The following CARMIL1 variants were observed in gnomAD, a reference collection of about 807,000 sequenced individuals.
CARMIL1 encodes F-actin-uncapping protein LRRC16A.
CARMIL1 carries 90 observed loss-of-function variants against 177.1 expected under a neutral mutation model. The ratio of observed to expected loss-of-function variants is 0.51; its 90% CI spans 0.43 to 0.61. CARMIL1 has a LOEUF of 0.61. Among genes scored for constraint, CARMIL1 ranks in the 20% least tolerant of loss-of-function variants. CARMIL1 has a pLI of 0.00. For synonymous variants in CARMIL1, 577 were observed against 606.2 expected (o/e 0.95, Z 0.71); for missense variants, 1,380 against 1,667.0 (o/e 0.83, Z 3.00).
At chr6:25,434,518 A>ATTTTTT (rs5875039) in intron 4 of CARMIL1, among the ~76,000 whole-genome samples, 1 of 101,708 alleles carries the variant, frequency 9.8e-6, no homozygotes, top group Non-Finnish European at 2.0e-5. Flanking sequence ...GCTCAAAACC[A>ATTTTTT]TTTTTTTTTT....
intron 16 of CARMIL1, among the ~76,000 whole-genome samples, chr6:25,497,667 C>A (rs1274363153): frequency 6.6e-6 from 1 of 152,164 alleles, no homozygotes; most frequent in East Asian, 1.9e-4. Context: ...ACTGCAGAAA[C>A]CCTTGTTTCT....
chr6:25,432,129 G>A (rs925945826), intron 4 of CARMIL1, among the ~76,000 whole-genome samples: 14 of 152,264 alleles, frequency 9.2e-5, no homozygotes, highest in Non-Finnish European at 1.9e-4. Flanking sequence ...CGCGGTGGAC[G>A]TTTGTTTTTT....
chr6:25,529,755 C>CCA (rs1242470835), intron 24 of CARMIL1, among the ~76,000 whole-genome samples: 2 of 33,572 alleles, frequency 6.0e-5, no homozygotes, highest in African/African-American at 1.9e-4. Flanking sequence ...ACTCCGTCTC[C>CCA]AAAAAAAAAA....
chr6:25,393,867 A>G (rs1793121436), intron 2 of CARMIL1, among the ~76,000 whole-genome samples: 1 of 152,190 alleles, frequency 6.6e-6, no homozygotes, highest in Admixed American at 6.5e-5. Context: ...TAAAGAAAAA[A>G]GAAAAGAAAG....
At chr6:25,476,918 A>G (rs1449884534) in intron 11 of CARMIL1, among the ~76,000 whole-genome samples, 1 of 151,840 alleles carries the variant, frequency 6.6e-6, no homozygotes, top group East Asian at 1.9e-4. Context: ...GTGAAACCCC[A>G]TCTCTACTAA....
chr6:25,455,472 C>T (rs1799422874), intron 8 of CARMIL1, among the ~76,000 whole-genome samples: 1 of 152,096 alleles, frequency 6.6e-6, no homozygotes, highest in African/African-American at 2.4e-5. Context: ...AACCATAGTC[C>T]CAGAATAAAG....
chr6:25,567,652 A>G (rs555066524), intron 29 of CARMIL1, among the ~76,000 whole-genome samples: 6 of 152,356 alleles, frequency 3.9e-5, no homozygotes, highest in Admixed American at 6.5e-5. Flanking sequence ...CAAGTAGGGT[A>G]GATTTACTTG....
chr6:25,391,283 A>G (rs1425247295), intron 2 of CARMIL1, among the ~76,000 whole-genome samples: 1 of 152,328 alleles, frequency 6.6e-6, no homozygotes, highest in Non-Finnish European at 1.5e-5. Context: ...TATACATGTC[A>G]TCTTTCCAGG....
At chr6:25,490,755 A>T (rs1452415955) in intron 13 of CARMIL1, among the ~76,000 whole-genome samples, 11 of 27,874 alleles carry the variant, frequency 3.9e-4, no homozygotes, top group African/African-American at 1.7e-3. Flanking sequence ...ATAAATAAAA[A>T]AAAATAAATG....
chr6:25,536,317 AT>A (rs1395447533), intron 24 of CARMIL1, among the ~76,000 whole-genome samples: 1 of 152,128 alleles, frequency 6.6e-6, no homozygotes, highest in Non-Finnish European at 1.5e-5. Flanking sequence ...TATGCAGGGC[AT>A]TGTGTAAATG....
At chr6:25,533,986 T>C (rs919749692) in intron 24 of CARMIL1, among the ~76,000 whole-genome samples, 4 of 152,184 alleles carry the variant, frequency 2.6e-5, no homozygotes, top group Non-Finnish European at 5.9e-5. Flanking sequence ...TGGAGTCATC[T>C]TGAACTCTTC....
Position 25,400,557 on chromosome 6 carries a change from A to C in CARMIL1, c.139-19557A>C, listed in dbSNP as rs573677297. Among the ~76,000 whole-genome samples the C allele has an allele frequency of 2.6e-5, 4 of 152,342 alleles. No individual in the cohort carries two copies. The East Asian group carries it at 7.7e-4, about 29-fold the overall frequency. The stretch of plus-strand genomic sequence containing the variant: ...CCCCCCACCAGCTGTGCTTCATGGT[A>C]ATGGCCAAAAAAATGTTCAGAATTA... On this transcript the variant is annotated intron_variant, in intron 2 of 36. Transcript: ENST00000329474.
At chr6:25,529,594 T>C (rs1807515757) in intron 24 of CARMIL1, among the ~76,000 whole-genome samples, 1 of 151,542 alleles carries the variant, frequency 6.6e-6, no homozygotes, top group Non-Finnish European at 1.5e-5. Flanking sequence ...TAAAAAAAAT[T>C]GTTATTGTAA....
At chr6:25,590,290 CTT>C (rs751887042) in intron 31 of CARMIL1, among the ~76,000 whole-genome samples, 6 of 151,964 alleles carry the variant, frequency 3.9e-5, no homozygotes, top group African/African-American at 7.3e-5. Flanking sequence ...TAATGTGAAA[CTT>C]GGGTGAATTT....
intron 2 of CARMIL1, among the ~76,000 whole-genome samples, chr6:25,410,702 C>T (rs1794827809): frequency 6.6e-6 from 1 of 152,256 alleles, no homozygotes; most frequent in African/African-American, 2.4e-5. Context: ...AGAGGAACTC[C>T]TTATTAGTCC....
At position 25,313,683 on chromosome 6, in the gene CARMIL1, G is replaced by GCATATATATATATATATATATATA; in HGVS notation, c.138+28774_138+28775insCATATATATATATATATATATATA. Reference sequence around the variant, plus strand: ...TAAAGATCTTTACCCAGGGAAGGCTGTATATATACAGTTATTTGGGAGAAA... The same window carrying GCATATATATATATATATATATATA: ...TAAAGATCTTTACCCAGGGAAGGCTGCATATATATATATATATATATATATATATATACAGTTATTTGGGAGAAA... On this transcript the variant is annotated intron_variant, in intron 2 of 36. Coordinates refer to ENST00000329474, the MANE Select transcript of CARMIL1 (RefSeq NM_017640.6). Among the ~76,000 whole-genome samples the GCATATATATATATATATATATATA allele has an allele frequency of 1.7e-3, 226 of 133,694 alleles. 20 individuals are homozygous for GCATATATATATATATATATATATA. The highest frequency in any genetic ancestry group is 0.014 in the East Asian group (55 of 4,074). The allele number at this position is 133,694 out of a possible 152,430, so 87.7% of individuals were successfully genotyped here. A position where few individuals can be genotyped will look rare whatever the true frequency, so the allele number is the denominator to read the frequency against.
intron 2 of CARMIL1, among the ~76,000 whole-genome samples, chr6:25,285,421 G>A (rs1781449720): frequency 6.6e-6 from 1 of 152,154 alleles, no homozygotes; most frequent in Admixed American, 6.5e-5. Flanking sequence ...CCTGCTGAAG[G>A]CAGTATCTGC....
intron 2 of CARMIL1, among the ~76,000 whole-genome samples, chr6:25,378,814 A>C (rs1791261692): frequency 6.6e-6 from 1 of 151,400 alleles, no homozygotes; most frequent in Non-Finnish European, 1.5e-5. Flanking sequence ...CACAGTGTGA[A>C]TCTCTCCACA....
intron 2 of CARMIL1, among the ~76,000 whole-genome samples, chr6:25,327,575 T>A (rs1446478016): frequency 6.6e-6 from 1 of 152,188 alleles, no homozygotes; most frequent in Non-Finnish European, 1.5e-5. Context: ...CTATTTGCTG[T>A]GCACAAACAA....
Sources: gnomAD v4.1 joint callset for allele counts (sites outside exome capture counted in the v4.1 genomes callset) on GRCh38, gnomAD v4.1.1 for gene constraint, MANE v1.5 for transcripts, NCBI Gene and HGNC (gene_info 2026-07-23, HGNC 2026-07-21) for gene names.